The following PAN3 variants were observed in gnomAD, a reference collection of about 807,000 sequenced individuals.
PAN3 encodes PAN2-PAN3 deadenylation complex subunit PAN3.
PAN3 carries 19 observed loss-of-function variants against 96.2 expected under a neutral mutation model. That is an observed-to-expected ratio of 0.20 (90% CI 0.14 to 0.29). The LOEUF is 0.29. Among genes scored for constraint, PAN3 ranks in the 10% least tolerant of loss-of-function variants. The probability of loss-of-function intolerance (pLI) is 1.00; values close to 1 mark genes in which losing one functional copy is unlikely to be tolerated. For synonymous variants in PAN3, 433 were observed against 406.6 expected (o/e 1.06, Z -0.78); for missense variants, 882 against 1,108.1 (o/e 0.80, Z 2.90).
At chr13:28,172,404 C>A (rs571993165) in intron 1 of PAN3, among the ~76,000 whole-genome samples, 1 of 151,816 alleles carries the variant, frequency 6.6e-6, no homozygotes, top group African/African-American at 2.4e-5. Flanking sequence ...TGCAGTGAGC[C>A]GAGATCACGC....
chr13:28,271,049 C>A (rs939123782), intron 13 of PAN3, among the ~76,000 whole-genome samples, 183 bp downstream of exon 13: 4 of 152,060 alleles, frequency 2.6e-5, no homozygotes, highest in Middle Eastern at 3.4e-3. Context: ...GAATAAAATG[C>A]CTGGTTATTA....
At chr13:28,153,522 C>A (rs7338238) in intron 1 of PAN3, among the ~76,000 whole-genome samples, 2,216 of 152,070 alleles carry the variant, frequency 0.015, 44 homozygotes, top group African/African-American at 0.05. Flanking sequence ...CAGGTGTGAG[C>A]CACCATCCCC....
intron 5 of PAN3, among the ~76,000 whole-genome samples, chr13:28,216,231 T>C (rs9554288): frequency 0.057 from 8,568 of 150,268 alleles, 478 homozygotes; most frequent in East Asian, 0.32. Context: ...AAAATACATA[T>C]ATGTGTATGA....
At chr13:28,140,749 A>G (rs1869654971) in intron 1 of PAN3, among the ~76,000 whole-genome samples, 1 of 151,864 alleles carries the variant, frequency 6.6e-6, no homozygotes, top group Non-Finnish European at 1.5e-5. Flanking sequence ...GAAGTGTTTC[A>G]TTTGTTGTGA....
chr13:28,154,884 G>A (rs1486936379), intron 1 of PAN3, among the ~76,000 whole-genome samples: 1 of 148,920 alleles, frequency 6.7e-6, no homozygotes, highest in African/African-American at 2.5e-5. Context: ...GCAGTGGCGC[G>A]ATCTCGGCTC....
chr13:28,224,309 C>G (rs576961566), intron 6 of PAN3, among the ~76,000 whole-genome samples: 1 of 152,284 alleles, frequency 6.6e-6, no homozygotes, highest in South Asian at 2.1e-4. Context: ...AACAAATTTA[C>G]AGTGTCACAG....
At chr13:28,211,601 TTAATC>T (rs1880042013) in intron 5 of PAN3, among the ~76,000 whole-genome samples, 5 of 152,232 alleles carry the variant, frequency 3.3e-5, no homozygotes, top group South Asian at 4.1e-4. Flanking sequence ...TAGTGGGTGT[TTAATC>T]TAACCAAAAA....
chr13:28,192,107 A>G (rs1174391592), intron 4 of PAN3, among the ~76,000 whole-genome samples: 1 of 141,472 alleles, frequency 7.1e-6, no homozygotes, highest in African/African-American at 2.7e-5. Context: ...GTGCAGTGGC[A>G]CCATCTCAGC....
intron 4 of PAN3, among the ~76,000 whole-genome samples, chr13:28,181,267 G>T (rs1353965230): frequency 6.6e-6 from 1 of 152,068 alleles, no homozygotes; most frequent in African/African-American, 2.4e-5. Flanking sequence ...CCAGCACTTT[G>T]GGAGGCTGAG....
At chr13:28,264,261 G>A (rs1051699926) in intron 9 of PAN3, among the ~76,000 whole-genome samples, 6 of 152,038 alleles carry the variant, frequency 3.9e-5, no homozygotes, top group Non-Finnish European at 7.4e-5. Context: ...AAAACGCGCC[G>A]GGCGCAGTGG....
intron 6 of PAN3, among the ~76,000 whole-genome samples, chr13:28,237,798 TTC>T (rs1883246583): frequency 6.6e-6 from 1 of 152,198 alleles, no homozygotes; most frequent in African/African-American, 2.4e-5. Flanking sequence ...GTGTTCAAGT[TTC>T]TCTGAGTACA....
At chr13:28,147,327 A>G (rs1434491269) in intron 1 of PAN3, among the ~76,000 whole-genome samples, 1 of 152,114 alleles carries the variant, frequency 6.6e-6, no homozygotes, top group African/African-American at 2.4e-5. Flanking sequence ...CGATGATTCG[A>G]CTTCCAGTTT....
intron 5 of PAN3, among the ~76,000 whole-genome samples, chr13:28,216,869 A>G (rs1306454322): frequency 2.0e-5 from 3 of 151,800 alleles, no homozygotes; most frequent in Non-Finnish European, 4.4e-5. Flanking sequence ...TAATCCCAGC[A>G]CTTTGGGAGG....
intron 8 of PAN3, 103 bp from the exon 9 acceptor site, chr13:28,261,298 T>C: frequency 1.4e-6 from 1 of 691,360 alleles, no homozygotes; most frequent in South Asian, 2.3e-5. Flanking sequence ...ATTTAAAAAG[T>C]GCATATGCCA....
rs113687055 is a variant in PAN3 at position 28,177,848 on chromosome 13, C to T, written c.620-17C>T. 3.7e-5 allele frequency: 59 copies of T among 1,606,152 alleles called. No homozygotes were observed. Among genetic ancestry groups the T allele is most frequent in the East Asian group, 1.3e-4 (6 of 44,734 alleles). Reference sequence around the variant, plus strand: ...CCCAAGTTTTATGTGTGGAAACTTACGTAACTTACCTTTCAGATCCTCTAA... The same window carrying T: ...CCCAAGTTTTATGTGTGGAAACTTATGTAACTTACCTTTCAGATCCTCTAA... On this transcript the variant is annotated splice_polypyrimidine_tract_variant and intron_variant, in intron 3 of 18. Coordinates refer to ENST00000380958, the MANE Select transcript of PAN3 (RefSeq NM_175854.8).
chr13:28,188,524 T>A (rs1383605202), intron 4 of PAN3, among the ~76,000 whole-genome samples: 1 of 151,884 alleles, frequency 6.6e-6, no homozygotes, highest in East Asian at 1.9e-4. Flanking sequence ...TCGTTTGAGC[T>A]CAGGGGTTTG....
At chr13:28,144,857 T>C (rs1354552118) in intron 1 of PAN3, among the ~76,000 whole-genome samples, 3 of 150,882 alleles carry the variant, frequency 2.0e-5, no homozygotes, top group African/African-American at 7.3e-5. Flanking sequence ...GTAGCTGGGA[T>C]TACAGGAGCC....
Position 28,201,727 on chromosome 13 carries a change from G to A in PAN3, c.852+4381G>A, listed in dbSNP as rs1286877. 2.4e-3 allele frequency among the ~76,000 whole-genome samples: 360 copies of A among 152,028 alleles called. 1 individual carries two copies. Among genetic ancestry groups the A allele is most frequent in the African/African-American group, 8.3e-3 (343 of 41,484 alleles). On this transcript the variant is annotated intron_variant, in intron 5 of 18. Transcript: ENST00000380958. ...CTTTGTACTTTTAACTCTTTGTTTC[G>A]TCCCTGGCTCCATGTGAGCTCCTGT...
intron 17 of PAN3, among the ~76,000 whole-genome samples, chr13:28,286,792 TG>T (rs1869034261): frequency 6.6e-6 from 1 of 152,224 alleles, no homozygotes; most frequent in African/African-American, 2.4e-5. Flanking sequence ...TCATTTTAAT[TG>T]GAAGTCCTTG....
Sources: allele counts gnomAD v4.1 joint callset (sites outside exome capture counted in the v4.1 genomes callset), GRCh38; gene constraint gnomAD v4.1.1; transcripts MANE v1.5; gene names NCBI Gene and HGNC (gene_info 2026-07-23, HGNC 2026-07-21).